Variants in VWA2 observed in about 807,000 individuals in gnomAD.
VWA2 encodes von Willebrand factor A domain-containing protein 2.
Under a neutral mutation model 70.4 loss-of-function variants are expected in VWA2, and 73 were observed. The ratio of observed to expected loss-of-function variants is 1.04; its 90% confidence interval spans 0.86 to 1.26. The LOEUF is 1.26. VWA2 is among the 50% of genes most tolerant of loss of function. VWA2 has a pLI of 0.00. For missense variants in VWA2, 1,011 were observed against 998.5 expected (o/e 1.01, Z -0.17); for synonymous variants, 407 against 423.3 (o/e 0.96, Z 0.47).
intron 10 of VWA2, 102 bp from the exon 11 acceptor site, chr10:114,285,837 C>G (rs1486338848): frequency 5.5e-6 from 7 of 1,282,334 alleles, no homozygotes; most frequent in Non-Finnish European, 7.3e-6. Context: ...CACAGTTTCT[C>G]TGCACCATCT....
chr10:114,273,150 T>C (rs981427864), intron 6 of VWA2, among the ~76,000 whole-genome samples: 2 of 152,216 alleles, frequency 1.3e-5, no homozygotes, highest in Non-Finnish European at 2.9e-5. Context: ...GAAAACTCAG[T>C]TGCAAGTGCC....
chr10:114,244,026 G>A (rs1211384642), intron 1 of VWA2, among the ~76,000 whole-genome samples: 1 of 152,214 alleles, frequency 6.6e-6, no homozygotes, highest in Admixed American at 6.5e-5. Flanking sequence ...AAGGTGATGA[G>A]CGAGGTGTAA....
At chr10:114,282,650 C>G in intron 9 of VWA2, 79 bp downstream of exon 9, 1 of 1,292,230 alleles carries the variant, frequency 7.7e-7, no homozygotes, top group East Asian at 2.3e-5. Context: ...TTTTACAATC[C>G]TGGGACAGAG....
chr10:114,278,727 G>A lies in VWA2; in HGVS notation c.709G>A (p.Val237Ile), dbSNP rs145948639. ...ICSSATPDCR[V>I]EAHPCEHRTL... ...GTGTGTTGTGGACACAGACTGCAGG[G>A]TCGAGGCTCACCCCTGTGAGCACAG... is the stretch of plus-strand genomic sequence containing the variant. The change falls in exon 8 of 14, where the codon GTC becomes ATC. Residue 237 changes from valine (V) to isoleucine (I), a missense_variant. Val to Ile is a conservative substitution (Grantham distance 29). Coordinates refer to ENST00000392982, the MANE Select transcript of VWA2 (RefSeq NM_001272046.2). The A allele has an allele frequency of 1.2e-6, 2 of 1,613,914 alleles. No homozygotes were observed. The highest frequency in any genetic ancestry group is 1.7e-6 in the Non-Finnish European group (2 of 1,180,038).
chr10:114,281,157 C>T (rs1348783299), intron 8 of VWA2: 1 of 152,236 alleles, frequency 6.6e-6, no homozygotes, highest in African/African-American at 2.4e-5. Flanking sequence ...TGTGGGCAGC[C>T]CAGGGTGGGA....
intron 1 of VWA2, among the ~76,000 whole-genome samples, chr10:114,242,768 A>G (rs931565821): frequency 6.6e-6 from 1 of 152,182 alleles, no homozygotes; most frequent in African/African-American, 2.4e-5. Flanking sequence ...GATAATATCT[A>G]CCCTACAGAT....
At chr10:114,287,595 G>A (rs768673624) in intron 11 of VWA2, among the ~76,000 whole-genome samples, 2 of 152,140 alleles carry the variant, frequency 1.3e-5, no homozygotes, top group Non-Finnish European at 2.9e-5. Context: ...TTTCCCTCCT[G>A]TAAGGCGGAA....
At chr10:114,266,025 C>T (rs1483471942) in intron 5 of VWA2, among the ~76,000 whole-genome samples, 5 of 152,106 alleles carry the variant, frequency 3.3e-5, no homozygotes, top group Admixed American at 1.3e-4. Context: ...TGGCCGGGCG[C>T]GGTGGCTCAC....
At chr10:114,269,361 A>G (rs1311862948) in intron 5 of VWA2, among the ~76,000 whole-genome samples, 1 of 152,146 alleles carries the variant, frequency 6.6e-6, no homozygotes, top group Non-Finnish European at 1.5e-5. Flanking sequence ...CGGGCAGATC[A>G]CCTGAGGTCA....
At chr10:114,263,139 C>T (rs2037481211) in intron 5 of VWA2, among the ~76,000 whole-genome samples, 1 of 152,088 alleles carries the variant, frequency 6.6e-6, no homozygotes, top group Non-Finnish European at 1.5e-5. Context: ...CCTCAGCCTC[C>T]CAAGTAGCTG....
chr10:114,241,616 T>G (rs2036975584), intron 1 of VWA2, among the ~76,000 whole-genome samples: 1 of 152,218 alleles, frequency 6.6e-6, no homozygotes, highest in African/African-American at 2.4e-5. Flanking sequence ...ATAACTCCCC[T>G]GATGTGTGTG....
At chr10:114,242,144 C>T (rs941246259) in intron 1 of VWA2, among the ~76,000 whole-genome samples, 8 of 152,174 alleles carry the variant, frequency 5.3e-5, no homozygotes, top group African/African-American at 1.9e-4. Flanking sequence ...TCCTCCCCTT[C>T]CTTTTCCTGA....
rs991019536 is a variant in VWA2 at position 114,292,419 on chromosome 10, T to C, written c.*1182T>C. ...ATAAAGAAACTTACAGAGATTTTGC[T>C]TTTTAAAGCATTGATCTTACGCTGT... On this transcript the variant is annotated 3_prime_UTR_variant, in exon 14 of 14. Transcript: ENST00000392982. Among the ~76,000 whole-genome samples the C allele has an allele frequency of 6.6e-6, 1 of 152,130 alleles. No individual in the cohort carries two copies. Among genetic ancestry groups the C allele is most frequent in the African/African-American group, 2.4e-5 (1 of 41,410 alleles).
At chr10:114,268,376 A>G (rs544520036) in intron 5 of VWA2, among the ~76,000 whole-genome samples, 1 of 152,194 alleles carries the variant, frequency 6.6e-6, no homozygotes, top group South Asian at 2.1e-4. Flanking sequence ...CTCTGGCCTC[A>G]GAGCCCCCTG....
chr10:114,289,665 C>T, intron 12 of VWA2, 176 bp downstream of exon 12: 1 of 672,794 alleles, frequency 1.5e-6, no homozygotes, highest in Non-Finnish European at 2.5e-6. Context: ...TAGGCATAAC[C>T]ATCCTATTTG....
chr10:114,281,834 A>G (rs2038149959), intron 8 of VWA2: 1 of 808,108 alleles, frequency 1.2e-6, no homozygotes, highest in Non-Finnish European at 1.5e-6. Context: ...AGTGAAGACC[A>G]GAGGAGGAAA....
At chr10:114,252,253 T>A (rs1335252285) in intron 2 of VWA2, among the ~76,000 whole-genome samples, 3 of 152,238 alleles carry the variant, frequency 2.0e-5, no homozygotes, top group African/African-American at 4.8e-5. Flanking sequence ...AGCGGCAGAC[T>A]GTGCCAGACC....
At chr10:114,254,599 C>T (rs932705450) in intron 3 of VWA2, among the ~76,000 whole-genome samples, 1 of 152,182 alleles carries the variant, frequency 6.6e-6, no homozygotes, top group Non-Finnish European at 1.5e-5. Flanking sequence ...TGTGGTCCCC[C>T]GAGGCCTGGG....
chr10:114,246,957 A>G (rs1315326266), intron 1 of VWA2, among the ~76,000 whole-genome samples: 1 of 152,174 alleles, frequency 6.6e-6, no homozygotes, highest in African/African-American at 2.4e-5. Context: ...ACTGGTTCGT[A>G]ATCTGGAGGC....
Sources: gnomAD v4.1 joint callset for allele counts (sites outside exome capture counted in the v4.1 genomes callset) on GRCh38, gnomAD v4.1.1 for gene constraint, MANE v1.5 for transcripts, NCBI Gene and HGNC (gene_info 2026-07-23, HGNC 2026-07-21) for gene names.